The following TXLNB variants were observed in gnomAD, a reference collection of about 807,000 sequenced individuals.
TXLNB encodes the protein beta-taxilin.
TXLNB carries 37 observed loss-of-function variants against 57.4 expected under a neutral mutation model. That is an observed-to-expected ratio of 0.64 (90% confidence interval 0.50 to 0.85). The LOEUF is 0.85. Among genes scored for constraint, TXLNB ranks in the 40% least tolerant of loss-of-function variants. The probability of loss-of-function intolerance (pLI) is 0.00; values close to 1 mark genes in which losing one functional copy is unlikely to be tolerated. For synonymous variants in TXLNB, 302 were observed against 309.6 expected (o/e 0.98, Z 0.26); for missense variants, 848 against 825.6 (o/e 1.03, Z -0.33).
the TXLNB span, chr6:139,174,706 A>G: frequency 3.1e-6 from 3 of 956,388 alleles, no homozygotes; most frequent in Non-Finnish European, 4.4e-6. Context: ...CAGTCATTAA[A>G]AGGAATACTG....
At chr6:139,216,383 C>A in the TXLNB span, among the ~76,000 whole-genome samples, 84 of 149,124 alleles carry the variant, frequency 5.6e-4, no homozygotes, top group African/African-American at 1.6e-3. Flanking sequence ...GACAAAAAAA[C>A]CAAACACCGC....
upstream of TXLNB, among the ~76,000 whole-genome samples, chr6:139,296,030 C>A (rs967310810): frequency 6.7e-5 from 10 of 149,996 alleles, no homozygotes; most frequent in Admixed American, 2.7e-4. Context: ...CTCTTAGAAC[C>A]TTGACCCCCC....
intron 1 of TXLNB, among the ~76,000 whole-genome samples, chr6:139,290,418 C>A (rs1211513782): frequency 1.3e-5 from 2 of 152,150 alleles, no homozygotes; most frequent in African/African-American, 4.8e-5. Context: ...ATACTTATAA[C>A]AACAATTCCT....
chr6:139,239,867 CACAT>C (rs915701423), downstream of TXLNB, among the ~76,000 whole-genome samples: 26 of 150,872 alleles, frequency 1.7e-4, no homozygotes, highest in African/African-American at 6.4e-4. This position sits in a 1 kb window ranked among gnomAD's most constrained non-coding sequence, Gnocchi z 4.7. Flanking sequence ...CTCTGTCTGT[CACAT>C]ACACACACAC....
At chr6:139,167,048 C>A in the TXLNB span, 1 of 1,614,154 alleles carries the variant, frequency 6.2e-7, no homozygotes, top group South Asian at 1.1e-5. Context: ...GTTCCTTCGG[C>A]GGCTGGACCT....
At chr6:139,288,959 A>G in intron 1 of TXLNB, 46 bp from the exon 2 acceptor site, 1 of 1,383,742 alleles carries the variant, frequency 7.2e-7, no homozygotes. Flanking sequence ...CCTACTTGCT[A>G]CATATCAATG....
chr6:139,211,928 A>T, the TXLNB span, among the ~76,000 whole-genome samples: 4 of 152,206 alleles, frequency 2.6e-5, no homozygotes, highest in Non-Finnish European at 4.4e-5. Context: ...AAGTTTAGAG[A>T]AAAAAGAATA....
the TXLNB span, among the ~76,000 whole-genome samples, chr6:139,310,275 A>G: frequency 2.6e-5 from 4 of 152,248 alleles, no homozygotes; most frequent in Non-Finnish European, 5.9e-5. Flanking sequence ...CTTACAACTC[A>G]ATAGCAGAAA....
chr6:139,165,963 T>G, the TXLNB span: 1 of 238,534 alleles, frequency 4.2e-6, no homozygotes, highest in Non-Finnish European at 8.0e-6. Flanking sequence ...ATCCCTGCCA[T>G]TGGGTGTCAG....
intron 8 of TXLNB, chr6:139,245,567 C>G (rs1371604007): frequency 6.6e-6 from 1 of 152,164 alleles, no homozygotes. Context: ...GCCAAGCTGC[C>G]TGAAGCTGGG....
the TXLNB span, among the ~76,000 whole-genome samples, chr6:139,202,986 A>G: frequency 6.6e-6 from 1 of 152,144 alleles, no homozygotes; most frequent in Non-Finnish European, 1.5e-5. Flanking sequence ...ATTTCACTTA[A>G]TATCCTCTAA....
At chr6:139,193,729 C>T in the TXLNB span, among the ~76,000 whole-genome samples, 16 of 151,302 alleles carry the variant, frequency 1.1e-4, no homozygotes, top group Non-Finnish European at 2.1e-4. Context: ...TCTCAGCTCA[C>T]TGCAACCTCC....
At chr6:139,203,063 T>G in the TXLNB span, among the ~76,000 whole-genome samples, 1 of 152,222 alleles carries the variant, frequency 6.6e-6, no homozygotes, top group East Asian at 1.9e-4. Flanking sequence ...ATTCCATTAT[T>G]TGTATATAAA....
the TXLNB span, among the ~76,000 whole-genome samples, chr6:139,216,482 GGGGGA>G: frequency 8.9e-6 from 1 of 112,954 alleles, no homozygotes. Flanking sequence ...TTGTGGGGTG[GGGGGA>G]GGGGGGAGGG....
At chr6:139,173,214 C>G in the TXLNB span, among the ~76,000 whole-genome samples, 1 of 152,212 alleles carries the variant, frequency 6.6e-6, no homozygotes. Context: ...ATCCTTCCCC[C>G]TTTTGGCATA....
chr6:139,200,443 G>A, the TXLNB span, among the ~76,000 whole-genome samples: 2 of 152,180 alleles, frequency 1.3e-5, no homozygotes, highest in Non-Finnish European at 2.9e-5. Context: ...GGACCTCCAT[G>A]TTTAGCGAGG....
At chr6:139,318,798 AATTG>A in the TXLNB span, among the ~76,000 whole-genome samples, 3 of 152,308 alleles carry the variant, frequency 2.0e-5, no homozygotes, top group South Asian at 6.2e-4. Flanking sequence ...TCCACATTAA[AATTG>A]ATTGATGTAG....
chr6:139,195,265 T>G, the TXLNB span, among the ~76,000 whole-genome samples: 1 of 152,366 alleles, frequency 6.6e-6, no homozygotes, highest in East Asian at 1.9e-4. Flanking sequence ...AACATTTTAT[T>G]TTGTAAGTTT....
the TXLNB span, chr6:139,167,180 G>A: frequency 6.2e-7 from 1 of 1,614,204 alleles, no homozygotes; most frequent in South Asian, 1.1e-5. Context: ...CGCGCTCAGT[G>A]CCAGCCACAG....
Sources: gnomAD v4.1 joint callset for allele counts (sites outside exome capture counted in the v4.1 genomes callset) on GRCh38, gnomAD v4.1.1 for gene constraint, Gnocchi (gnomAD v3.1) non-coding constraint, MANE v1.5 for transcripts, NCBI Gene and HGNC (gene_info 2026-07-23, HGNC 2026-07-21) for gene names.